AGBL4: variants seen among roughly 807,000 people sequenced by gnomAD.
AGBL4 encodes the protein cytosolic carboxypeptidase 6.
In AGBL4, 58 loss-of-function variants were observed where a neutral mutation model predicts 66.4. That is an observed-to-expected ratio of 0.87 (90% CI 0.71 to 1.09). AGBL4 has a LOEUF of 1.09. Among genes scored for constraint, AGBL4 ranks in the 50% least tolerant of loss-of-function variants. The pLI, the probability that AGBL4 is intolerant of heterozygous loss-of-function variation, is 0.00. For missense variants in AGBL4, 579 were observed against 631.0 expected, an observed-to-expected ratio of 0.92 and a Z score of 0.88; for synonymous variants, 234 against 222.9, an observed-to-expected ratio of 1.05 and a Z score of -0.44.
intron 3 of AGBL4, among the ~76,000 whole-genome samples, chr1:49,423,342 A>G (rs868229420): frequency 6.6e-6 from 1 of 152,222 alleles, no homozygotes; most frequent in East Asian, 1.9e-4. Context: ...AGGTGCTCAG[A>G]AAGTATTTTA....
At chr1:48,933,830 G>A (rs1453517083) in intron 5 of AGBL4, among the ~76,000 whole-genome samples, 1 of 152,162 alleles carries the variant, frequency 6.6e-6, no homozygotes, top group Non-Finnish European at 1.5e-5. Flanking sequence ...CTTGCCCAAA[G>A]GGAGCAATTG....
chr1:49,748,649 C>T (rs1214777828), intron 2 of AGBL4, among the ~76,000 whole-genome samples: 9 of 152,226 alleles, frequency 5.9e-5, no homozygotes, highest in Non-Finnish European at 1.3e-4. Context: ...TCCTACTTCT[C>T]CACATCCTCT....
chr1:49,826,951 A>T lies in AGBL4; in HGVS notation c.157+24445T>A, dbSNP rs143112158. Among the ~76,000 whole-genome samples the T allele has an allele frequency of 5.3e-3, 806 of 152,284 alleles. 3 individuals are homozygous for T. Among genetic ancestry groups the T allele is most frequent in the Middle Eastern group, 0.017 (5 of 294 alleles). The stretch of plus-strand genomic sequence containing the variant: ...TAGGAGAAAGTAAGTTTGGGTACAG[A>T]CTTTGAGGATAGATTTCAATAAAAG... On this transcript the variant is annotated intron_variant, in intron 2 of 13. Coordinates refer to ENST00000371839, the MANE Select transcript of AGBL4 (RefSeq NM_032785.4).
intron 4 of AGBL4, among the ~76,000 whole-genome samples, chr1:49,117,734 T>C (rs1330567019): frequency 6.6e-6 from 1 of 152,182 alleles, no homozygotes; most frequent in Non-Finnish European, 1.5e-5. Context: ...AACTTTAAAG[T>C]AGTTTTTTCC....
At chr1:49,777,094 A>C (rs1422188526) in intron 2 of AGBL4, among the ~76,000 whole-genome samples, 1 of 152,194 alleles carries the variant, frequency 6.6e-6, no homozygotes, top group Non-Finnish European at 1.5e-5. Context: ...GAGATTTAAA[A>C]TGCTGGAGCT....
At chr1:49,794,351 A>G (rs1644679281) in intron 2 of AGBL4, among the ~76,000 whole-genome samples, 1 of 151,990 alleles carries the variant, frequency 6.6e-6, no homozygotes. Flanking sequence ...CAAAGAAGAC[A>G]AGATAATTAA....
chr1:49,205,751 C>A (rs138275919), intron 4 of AGBL4, among the ~76,000 whole-genome samples: 1 of 152,164 alleles, frequency 6.6e-6, no homozygotes, highest in Non-Finnish European at 1.5e-5. Flanking sequence ...TCTGAAATAT[C>A]TGTTGCATAA....
chr1:49,427,896 T>G (rs1421481684), intron 3 of AGBL4, among the ~76,000 whole-genome samples: 1 of 152,150 alleles, frequency 6.6e-6, no homozygotes, highest in Non-Finnish European at 1.5e-5. Context: ...ATTGGTGCAT[T>G]TACAAACCTT....
At chr1:48,969,924 G>A (rs1470112934) in intron 5 of AGBL4, among the ~76,000 whole-genome samples, 1 of 152,160 alleles carries the variant, frequency 6.6e-6, no homozygotes, top group African/African-American at 2.4e-5. Context: ...ACATGTGCTA[G>A]GCAGATTCTA....
chr1:49,654,519 T>TG (rs769247836), intron 3 of AGBL4, among the ~76,000 whole-genome samples: 41 of 152,298 alleles, frequency 2.7e-4, no homozygotes, highest in South Asian at 1.5e-3. Flanking sequence ...ATGTTGACAG[T>TG]GGGGGTTAAA....
chr1:49,079,384 A>G (rs895228242), intron 4 of AGBL4, among the ~76,000 whole-genome samples: 1 of 152,148 alleles, frequency 6.6e-6, no homozygotes, highest in Non-Finnish European at 1.5e-5. Context: ...GGCCTCAGGA[A>G]ACTTACAATC....
intron 7 of AGBL4, among the ~76,000 whole-genome samples, chr1:48,655,034 A>G (rs1036828338): frequency 6.6e-6 from 1 of 152,216 alleles, no homozygotes; most frequent in Non-Finnish European, 1.5e-5. Context: ...GGGCCTGGCC[A>G]CACCGCCTCA....
At chr1:49,259,166 A>T (rs1436156043) in intron 3 of AGBL4, among the ~76,000 whole-genome samples, 5 of 152,130 alleles carry the variant, frequency 3.3e-5, no homozygotes, top group Non-Finnish European at 7.4e-5. Flanking sequence ...GCACTAAACA[A>T]GGAAAGGAGC....
chr1:48,735,208 C>T (rs770138764), intron 6 of AGBL4, among the ~76,000 whole-genome samples: 1 of 152,060 alleles, frequency 6.6e-6, no homozygotes, highest in Non-Finnish European at 1.5e-5. Context: ...ACTTTATTCT[C>T]TTTGCTCCCT....
intron 3 of AGBL4, among the ~76,000 whole-genome samples, chr1:49,692,527 G>C (rs1054117312): frequency 6.6e-6 from 1 of 152,020 alleles, no homozygotes; most frequent in Non-Finnish European, 1.5e-5. Flanking sequence ...GACCATCCTG[G>C]CTAGCACGGT....
chr1:49,449,748 G>A (rs1646237095), intron 3 of AGBL4, among the ~76,000 whole-genome samples: 2 of 151,908 alleles, frequency 1.3e-5, no homozygotes, highest in African/African-American at 4.8e-5. Flanking sequence ...TACATTTCCG[G>A]TTTCATCTAC....
At chr1:49,585,301 T>C (rs925330424) in intron 3 of AGBL4, among the ~76,000 whole-genome samples, 1 of 152,154 alleles carries the variant, frequency 6.6e-6, no homozygotes. Context: ...CACATGGTTA[T>C]GTTACATTCT....
intron 9 of AGBL4, among the ~76,000 whole-genome samples, chr1:48,594,253 C>A (rs552702103): frequency 6.6e-6 from 1 of 151,956 alleles, no homozygotes; most frequent in African/African-American, 2.4e-5. Context: ...GAACCCTGGG[C>A]GCAGATGTTG....
chr1:49,136,705 A>T (rs1447719388), intron 4 of AGBL4, among the ~76,000 whole-genome samples: 1 of 152,170 alleles, frequency 6.6e-6, no homozygotes, highest in Non-Finnish European at 1.5e-5. Flanking sequence ...AAATACAATA[A>T]ATTAAGTTGT....
Sources: allele counts gnomAD v4.1 joint callset (sites outside exome capture counted in the v4.1 genomes callset), GRCh38; gene constraint gnomAD v4.1.1; transcripts MANE v1.5; gene names NCBI Gene and HGNC (gene_info 2026-07-23, HGNC 2026-07-21).